The following NRXN3 variants were observed in gnomAD, a reference collection of about 807,000 sequenced individuals.
The protein encoded by NRXN3 is neurexin III.
In NRXN3, 32 loss-of-function variants were observed where a neutral mutation model predicts 137.6. The ratio of observed to expected loss-of-function variants is 0.23; its 90% CI spans 0.18 to 0.31. NRXN3 has a LOEUF of 0.31. NRXN3 is among the 10% of genes least tolerant of loss of function. NRXN3 has a pLI of 1.00. For synonymous variants in NRXN3, 798 were observed against 784.5 expected (o/e 1.02, Z -0.29); for missense variants, 1,574 against 2,062.5 (o/e 0.76, Z 4.59).
At chr14:79,056,208 A>T (rs1595452647) in intron 15 of NRXN3, among the ~76,000 whole-genome samples, 4 of 152,178 alleles carry the variant, frequency 2.6e-5, no homozygotes, top group African/African-American at 9.7e-5. Context: ...GCTAACAGTT[A>T]AAAAAGTATT....
In NRXN3 at chr14:79,810,269, T is replaced by A. The variant is rs1293114403; in HGVS notation, c.4093+5079T>A. Among the ~76,000 whole-genome samples the A allele has an allele frequency of 3.3e-5, 5 of 152,292 alleles. No individual in the cohort carries two copies. In the East Asian group the frequency reaches 9.7e-4, roughly 29 times the overall value. On this transcript the variant is annotated intron_variant, in intron 20 of 20. Coordinates refer to ENST00000335750, the MANE Select transcript of NRXN3 (RefSeq NM_001330195.2). ...TACTTAACCACATTGATTCATCCAGTCGTTATCCAGGGGTATATTTTTCAG... is the reference window on the plus strand; with the variant it reads ...TACTTAACCACATTGATTCATCCAGACGTTATCCAGGGGTATATTTTTCAG...
At chr14:79,485,914 C>T (rs563101427) in intron 16 of NRXN3, among the ~76,000 whole-genome samples, 24 of 152,212 alleles carry the variant, frequency 1.6e-4, no homozygotes, top group Non-Finnish European at 3.1e-4. Flanking sequence ...GATGCTTGAA[C>T]GTGTCCTTTA....
intron 20 of NRXN3, among the ~76,000 whole-genome samples, chr14:79,858,441 C>G (rs1358756682): frequency 6.6e-6 from 1 of 152,166 alleles, no homozygotes; most frequent in Non-Finnish European, 1.5e-5. Context: ...TAGCCTCTTA[C>G]CCAACAGTTT....
intron 15 of NRXN3, among the ~76,000 whole-genome samples, chr14:79,315,662 A>G (rs1046275921): frequency 2.6e-5 from 4 of 152,208 alleles, no homozygotes; most frequent in Non-Finnish European, 4.4e-5. Flanking sequence ...GGCAAAACTT[A>G]TGTAGTTTTT....
At chr14:78,302,615 CAT>C (rs768325564) in intron 4 of NRXN3, among the ~76,000 whole-genome samples, 2 of 152,188 alleles carry the variant, frequency 1.3e-5, no homozygotes, top group Non-Finnish European at 2.9e-5. Context: ...TTCTCTGTAG[CAT>C]ATGTCTCTGT....
intron 17 of NRXN3, among the ~76,000 whole-genome samples, chr14:79,667,855 C>A (rs1377450604): frequency 2.0e-5 from 3 of 151,950 alleles, no homozygotes; most frequent in Admixed American, 1.3e-4. Flanking sequence ...AGCTCTAGGC[C>A]CCCTGGAAGG....
At chr14:78,712,595 C>T (rs1430279466) in intron 7 of NRXN3, among the ~76,000 whole-genome samples, 1 of 152,200 alleles carries the variant, frequency 6.6e-6, no homozygotes, top group African/African-American at 2.4e-5. Flanking sequence ...GCTAGTCTCA[C>T]TCTGCCACCC....
intron 15 of NRXN3, among the ~76,000 whole-genome samples, chr14:79,272,620 C>G (rs2079523788): frequency 6.6e-6 from 1 of 152,124 alleles, no homozygotes; most frequent in Non-Finnish European, 1.5e-5. Flanking sequence ...AGAGCCCTTT[C>G]ACGTCCCAGA....
rs558094652 is a variant in NRXN3, at chr14:79,487,311, C to T, written c.3444+19909C>T. On this transcript the variant is annotated intron_variant, in intron 16 of 20. Transcript: ENST00000335750. ...AGCACAGTCCTTCATATCACTGCAT[C>T]GCATTTCATTTTGTAACATGTTCTT... is the stretch of plus-strand genomic sequence containing the variant. Among the ~76,000 whole-genome samples the T allele has an allele frequency of 3.9e-5, 6 of 152,136 alleles. No homozygotes were observed. The South Asian group carries it at 1.2e-3, about 32-fold the overall frequency.
intron 17 of NRXN3, among the ~76,000 whole-genome samples, chr14:79,671,237 C>T (rs1288536227): frequency 1.3e-5 from 2 of 152,140 alleles, no homozygotes; most frequent in African/African-American, 4.8e-5. Flanking sequence ...CAACCCAGAA[C>T]CATCTGACTT....
chr14:78,223,486 T>C (rs2064099249), intron 1 of NRXN3, among the ~76,000 whole-genome samples: 1 of 152,202 alleles, frequency 6.6e-6, no homozygotes, highest in African/African-American at 2.4e-5. Flanking sequence ...TCAAATGTAA[T>C]AGTGCTTTTT....
intron 20 of NRXN3, among the ~76,000 whole-genome samples, chr14:79,855,572 T>A (rs548839398): frequency 1.3e-5 from 2 of 152,248 alleles, no homozygotes; most frequent in East Asian, 1.9e-4. Context: ...ATGTTATTTT[T>A]AAAAAATACA....
chr14:78,508,679 T>G (rs2096045546), intron 4 of NRXN3, among the ~76,000 whole-genome samples: 1 of 151,944 alleles, frequency 6.6e-6, no homozygotes, highest in African/African-American at 2.4e-5. Flanking sequence ...AAAAAAAAAG[T>G]GGTCAATTCT....
intron 15 of NRXN3, among the ~76,000 whole-genome samples, chr14:79,373,660 T>A (rs2094177412): frequency 6.6e-6 from 1 of 152,236 alleles, no homozygotes; most frequent in African/African-American, 2.4e-5. Context: ...TTCATCTTGT[T>A]ATCTCTGGTA....
chr14:78,820,986 A>G lies in NRXN3; in HGVS notation c.2275+10642A>G, dbSNP rs552671338. Among the ~76,000 whole-genome samples, 5 of 152,280 alleles carry G rather than the reference A, an allele frequency of 3.3e-5. No homozygotes were observed. In the South Asian group the frequency reaches 1.0e-3, roughly 32 times the overall value. On this transcript the variant is annotated intron_variant, in intron 10 of 20. Coordinates refer to ENST00000335750, the MANE Select transcript of NRXN3 (RefSeq NM_001330195.2). ...GGCTCATGGACACTGAGTGCTTGACATAAAATCTCAAGGTGATGAATGGTA... is the reference window on the plus strand; with the variant it reads ...GGCTCATGGACACTGAGTGCTTGACGTAAAATCTCAAGGTGATGAATGGTA...
chr14:79,267,360 AT>A (rs398043882), intron 15 of NRXN3, among the ~76,000 whole-genome samples: 1,815 of 142,896 alleles, frequency 0.013, 8 homozygotes, highest in African/African-American at 0.017. Flanking sequence ...AGATCATTTA[AT>A]TTTTTTTTTT....
At chr14:79,786,853 G>A (rs907757726) in intron 19 of NRXN3, among the ~76,000 whole-genome samples, 1 of 152,106 alleles carries the variant, frequency 6.6e-6, no homozygotes, top group Non-Finnish European at 1.5e-5. Context: ...ATTTTACAGG[G>A]CATTTATTCA....
At chr14:78,398,044 G>A (rs1240697123) in intron 4 of NRXN3, among the ~76,000 whole-genome samples, 2 of 151,052 alleles carry the variant, frequency 1.3e-5, no homozygotes, top group African/African-American at 4.9e-5. Flanking sequence ...GTGAAACCCT[G>A]TCTCTACTAA....
intron 10 of NRXN3, among the ~76,000 whole-genome samples, chr14:78,830,142 T>C (rs2098977770): frequency 6.6e-6 from 1 of 152,088 alleles, no homozygotes; most frequent in African/African-American, 2.4e-5. Flanking sequence ...TGTGTATGGG[T>C]GCGTGTGTGT....
Sources: allele counts gnomAD v4.1 joint callset (sites outside exome capture counted in the v4.1 genomes callset), GRCh38; gene constraint gnomAD v4.1.1; transcripts MANE v1.5; gene names NCBI Gene and HGNC (gene_info 2026-07-23, HGNC 2026-07-21).